Variants in INPP1 observed in about 807,000 individuals in gnomAD.
INPP1 encodes inositol polyphosphate 1-phosphatase.
INPP1 carries 18 observed loss-of-function variants against 23.0 expected under a neutral mutation model. The observed-to-expected ratio is 0.78, with a 90% CI of 0.54 to 1.16. The LOEUF (loss-of-function observed/expected upper bound fraction) is 1.16, where lower values mean the gene tolerates loss of function less well. Among genes scored for constraint, INPP1 ranks in the 50% most tolerant of loss-of-function variants. INPP1 has a pLI of 0.00. For synonymous variants in INPP1, 164 were observed against 176.3 expected, an observed-to-expected ratio of 0.93 and a Z score of 0.55; for missense variants, 448 against 482.1, an observed-to-expected ratio of 0.93 and a Z score of 0.66.
chr2:190,368,912 C>T lies in INPP1; in HGVS notation c.467-191C>T, dbSNP rs536766919. The T allele has an allele frequency of 7.2e-5, 29 of 405,214 alleles. 1 individual carries two copies. The South Asian group carries it at 2.1e-3, about 29-fold the overall frequency. The allele number at this position is 405,214 out of a possible 1,614,324, so 25.1% of individuals were successfully genotyped here. A position where few individuals can be genotyped will look rare whatever the true frequency, so the allele number is the denominator to read the frequency against. On this transcript the variant is annotated intron_variant, in intron 5 of 6. Transcript: ENST00000392329. This position sits in a 1 kb window ranked among gnomAD's most constrained non-coding sequence, Gnocchi z 4.3. ...GACACATCCTCTCCCTTCAAGAGTTCTCACAGTCAGGAAAATGAAACACAA... is the reference window on the plus strand; with the variant it reads ...GACACATCCTCTCCCTTCAAGAGTTTTCACAGTCAGGAAAATGAAACACAA...
At position 190,371,495 on chromosome 2, in the gene INPP1, G is replaced by T. The variant is rs191271401; in HGVS notation, c.*93G>T. 5 of 910,444 alleles carry T rather than the reference G, an allele frequency of 5.5e-6. No individual in the cohort carries two copies. In the African/African-American group the frequency reaches 6.7e-5, roughly 12 times the overall value. The allele number at this position is 910,444 out of a possible 1,614,324, so 56.4% of individuals were successfully genotyped here. ...TGAGGATGGCTTTGTCCTGTTGCTG[G>T]TTAACATTCACCTTCCTCTTTTGAG... On this transcript the variant is annotated 3_prime_UTR_variant, in exon 7 of 7. Coordinates refer to ENST00000392329, the MANE Select transcript of INPP1 (RefSeq NM_001128928.2). The surrounding 1 kb of genome is among the most constrained non-coding windows in gnomAD (Gnocchi z 5.3).
rs1460831815 is a variant in INPP1, at chr2:190,367,049, G to T, written c.466+154G>T. ...AAGTTTTAAAACAATGAGAGTTGAGGTGTATGTGTCATGTGTTCTGTATAT... is the reference window on the plus strand; with the variant it reads ...AAGTTTTAAAACAATGAGAGTTGAGTTGTATGTGTCATGTGTTCTGTATAT... On this transcript the variant is annotated intron_variant, in intron 5 of 6. Coordinates refer to ENST00000392329, the MANE Select transcript of INPP1 (RefSeq NM_001128928.2). The surrounding 1 kb of genome is among the most constrained non-coding windows in gnomAD (Gnocchi z 4.1). Among the ~76,000 whole-genome samples the T allele has an allele frequency of 6.6e-6, 1 of 152,134 alleles. No individual in the cohort carries two copies. The highest frequency in any genetic ancestry group is 1.9e-4 in the East Asian group (1 of 5,200).
In INPP1 at chr2:190,352,190, G is replaced by T. The variant is rs114980035; in HGVS notation, c.-65+3159G>T. On this transcript the variant is annotated intron_variant, in intron 2 of 6. Transcript: ENST00000392329. The surrounding 1 kb of genome is among the most constrained non-coding windows in gnomAD (Gnocchi z 4.7). ...AGGTCGAGAAAGCAGGAAGAAGGGC[G>T]TGTCAACCAGAGGGAGCAGCATGTG... Among the ~76,000 whole-genome samples, 1 of 152,192 alleles carries T rather than the reference G, an allele frequency of 6.6e-6. No individual in the cohort carries two copies. Among genetic ancestry groups the T allele is most frequent in the Non-Finnish European group, 1.5e-5 (1 of 68,048 alleles).
Position 190,366,756 on chromosome 2 carries a change from A to G in INPP1, c.327A>G (p.Lys109=). 1 of 1,613,712 alleles carries G rather than the reference A, an allele frequency of 6.2e-7. No individual in the cohort carries two copies. Among genetic ancestry groups the G allele is most frequent in the Non-Finnish European group, 8.5e-7 (1 of 1,179,590 alleles). The change falls in exon 5 of 7, where the codon AAA becomes AAG. Residue 109 remains lysine (K), a synonymous_variant. Coordinates refer to ENST00000392329, the MANE Select transcript of INPP1 (RefSeq NM_001128928.2). ...AGGAAACAGCAGAGCTTCTTAGCAA[A>G]GTCCTCAATGGTAACAAGGTGGCAT... ...TEEETAELLS[K]VLNGNKVASE...
intron 3 of INPP1, among the ~76,000 whole-genome samples, chr2:190,361,280 C>A (rs1270901111): frequency 2.6e-5 from 4 of 152,098 alleles, no homozygotes; most frequent in African/African-American, 4.8e-5. Context: ...GATAATCTAA[C>A]CATTACATTT....
Position 190,345,806 on chromosome 2 carries a change from C to T in INPP1, c.-209+1845C>T, listed in dbSNP as rs1689204700. 6.6e-6 allele frequency among the ~76,000 whole-genome samples: 1 copy of T among 152,132 alleles called. No homozygotes were observed. Among genetic ancestry groups the T allele is most frequent in the Non-Finnish European group, 1.5e-5 (1 of 68,022 alleles). ...GTTAGGAGTTCGAGACCAGCCTGGCCAACATGGTGAAACCCCGTCTCTAGT... is the reference window on the plus strand; with the variant it reads ...GTTAGGAGTTCGAGACCAGCCTGGCTAACATGGTGAAACCCCGTCTCTAGT... On this transcript the variant is annotated intron_variant, in intron 1 of 6. Transcript: ENST00000392329. This position sits in a 1 kb window ranked among gnomAD's most constrained non-coding sequence, Gnocchi z 4.9.
At chr2:190,349,948 G>T (rs1689295873) in intron 2 of INPP1, among the ~76,000 whole-genome samples, 1 of 152,188 alleles carries the variant, frequency 6.6e-6, no homozygotes, top group Non-Finnish European at 1.5e-5. Flanking sequence ...AGGCTCAAGT[G>T]ATTCTCCTGC....
chr2:190,353,715 AG>A (rs1199280929), intron 2 of INPP1, among the ~76,000 whole-genome samples: 1 of 152,266 alleles, frequency 6.6e-6, no homozygotes, highest in African/African-American at 2.4e-5. Flanking sequence ...ACAGCTAGTT[AG>A]TAGCAGAGTT....
chr2:190,366,856 G>A lies in INPP1; in HGVS notation c.427G>A (p.Val143Ile). 1.9e-6 allele frequency: 3 copies of A among 1,613,972 alleles called. No individual in the cohort carries two copies. Among genetic ancestry groups the A allele is most frequent in the Non-Finnish European group, 2.5e-6 (3 of 1,179,858 alleles). The change falls in exon 5 of 7, where the codon GTT becomes ATT. Residue 143 changes from valine (V) to isoleucine (I), a missense_variant. Coordinates refer to ENST00000392329, the MANE Select transcript of INPP1 (RefSeq NM_001128928.2). The part of the protein sequence containing the change: ...DPTLDSTEIN[V>I]PQDILGIWVD... ...AACTCTGGATTCCACAGAGATCAAT[G>A]TTCCACAGGACATTTTGGGAATTTG... is the stretch of plus-strand genomic sequence containing the variant.
chr2:190,363,307 A>C lies in INPP1; in HGVS notation c.265+620A>C, dbSNP rs994600713. On this transcript the variant is annotated intron_variant, in intron 4 of 6. Transcript: ENST00000392329. The surrounding 1 kb of genome is among the most constrained non-coding windows in gnomAD (Gnocchi z 4.4). ...GAGTGCAGTGGCACAATCTCGGTTC[A>C]CTGCAACCTCCACCTCCTGGATTCA... Among the ~76,000 whole-genome samples the C allele has an allele frequency of 6.6e-5, 10 of 152,108 alleles. No individual in the cohort carries two copies. The highest frequency in any genetic ancestry group is 1.2e-4 in the Non-Finnish European group (8 of 68,026).
At chr2:190,362,801 T>G in intron 4 of INPP1, 114 bp downstream of exon 4, 1 of 584,536 alleles carries the variant, frequency 1.7e-6, no homozygotes, top group South Asian at 3.4e-5. Flanking sequence ...AACAACATAA[T>G]ATATTTGAAT....
chr2:190,362,839 G>T (rs1003745096), intron 4 of INPP1, 152 bp downstream of exon 4: 1 of 458,230 alleles, frequency 2.2e-6, no homozygotes, highest in East Asian at 3.5e-5. Context: ...TTCTACCTCA[G>T]AATATCATGC....
Position 190,364,815 on chromosome 2 carries a change from G to A in INPP1, c.266-1880G>A, listed in dbSNP as rs995580775. Among the ~76,000 whole-genome samples, 34 of 151,584 alleles carry A rather than the reference G, an allele frequency of 2.2e-4. 1 individual carries two copies. Among genetic ancestry groups the A allele is most frequent in the Admixed American group, 1.4e-3 (22 of 15,200 alleles). ...ACAGGGGTTTCACTATGTTGACCAG[G>A]GTGGTCTTGAATTCCTGACCTCAAG... On this transcript the variant is annotated intron_variant, in intron 4 of 6. Coordinates refer to ENST00000392329, the MANE Select transcript of INPP1 (RefSeq NM_001128928.2).
chr2:190,366,213 CTCTG>C (rs1224112484), intron 4 of INPP1, among the ~76,000 whole-genome samples: 14 of 150,192 alleles, frequency 9.3e-5, no homozygotes, highest in South Asian at 2.1e-4. Context: ...CGCTCTCTCG[CTCTG>C]TCTCTCTCTT....
In INPP1 at chr2:190,354,798, C is replaced by CTT. The variant is rs1200261358; in HGVS notation, c.-64-5238_-64-5237dup. Among the ~76,000 whole-genome samples, 1 of 152,158 alleles carries CTT rather than the reference C, an allele frequency of 6.6e-6. No individual in the cohort carries two copies. The highest frequency in any genetic ancestry group is 1.9e-4 in the East Asian group (1 of 5,194). ...ACATCAGTGGAACTTAATAGATGAG[C>CTT]TTTTACTACCCAGAAGGGTCCTTAA... On this transcript the variant is annotated intron_variant, in intron 2 of 6. Coordinates refer to ENST00000392329, the MANE Select transcript of INPP1 (RefSeq NM_001128928.2). The surrounding 1 kb of genome is among the most constrained non-coding windows in gnomAD (Gnocchi z 4.8).
rs943652449 is a variant in INPP1, at chr2:190,356,868, A to T, written c.-64-3171A>T. 1.3e-5 allele frequency: 2 copies of T among 152,174 alleles called. No homozygotes were observed. The highest frequency in any genetic ancestry group is 4.8e-5 in the African/African-American group (2 of 41,432). 9.4% of individuals were successfully genotyped at this position (152,174 alleles called of 1,614,324 possible). A position where few individuals can be genotyped will look rare whatever the true frequency, so the allele number is the denominator to read the frequency against. ...TTCTTCTGCCTTATAACCACAGAAC[A>T]TTTACTAAGAAATAAAAATTAAGGT... On this transcript the variant is annotated intron_variant, in intron 2 of 6. Coordinates refer to ENST00000392329, the MANE Select transcript of INPP1 (RefSeq NM_001128928.2). This position sits in a 1 kb window ranked among gnomAD's most constrained non-coding sequence, Gnocchi z 6.4.
In INPP1 at chr2:190,355,325, T is replaced by G. The variant is rs1482713217; in HGVS notation, c.-64-4714T>G. Reference sequence around the variant, plus strand: ...TGTTAGCTGTTTCAATTTTAACCTATCTCTGCACAAGAATAACAGATAGCA... The same window carrying G: ...TGTTAGCTGTTTCAATTTTAACCTAGCTCTGCACAAGAATAACAGATAGCA... On this transcript the variant is annotated intron_variant, in intron 2 of 6. Transcript: ENST00000392329. This position sits in a 1 kb window ranked among gnomAD's most constrained non-coding sequence, Gnocchi z 5.1. 1.3e-5 allele frequency among the ~76,000 whole-genome samples: 2 copies of G among 152,246 alleles called. No homozygotes were observed. Among genetic ancestry groups the G allele is most frequent in the African/African-American group, 4.8e-5 (2 of 41,456 alleles).
chr2:190,366,187 G>C (rs971066854), intron 4 of INPP1, among the ~76,000 whole-genome samples: 15 of 41,448 alleles, frequency 3.6e-4, no homozygotes, highest in Admixed American at 3.1e-4. Context: ...CTTGCTCTCT[G>C]TCTCTTGCTC....
Position 190,363,871 on chromosome 2 carries a change from A to G in INPP1, c.265+1184A>G, listed in dbSNP as rs1689583610. The stretch of plus-strand genomic sequence containing the variant: ...GCCACATCCATTTTCCTGTTTGTTA[A>G]AAGGGCAGAGAAATGTGGAGAGAGG... On this transcript the variant is annotated intron_variant, in intron 4 of 6. Coordinates refer to ENST00000392329, the MANE Select transcript of INPP1 (RefSeq NM_001128928.2). This position sits in a 1 kb window ranked among gnomAD's most constrained non-coding sequence, Gnocchi z 4.4. Among the ~76,000 whole-genome samples the G allele has an allele frequency of 6.6e-6, 1 of 152,190 alleles. No individual in the cohort carries two copies. Among genetic ancestry groups the G allele is most frequent in the South Asian group, 2.1e-4 (1 of 4,824 alleles).
Sources: allele counts gnomAD v4.1 joint callset (sites outside exome capture counted in the v4.1 genomes callset), GRCh38; gene constraint gnomAD v4.1.1; non-coding constraint Gnocchi (gnomAD v3.1); transcripts MANE v1.5; gene names NCBI Gene and HGNC (gene_info 2026-07-23, HGNC 2026-07-21).